ENTREP2: variants seen among roughly 807,000 people sequenced by gnomAD.
ENTREP2 encodes the protein protein ENTREP2.
At chr15:29,589,890 G>A in the ENTREP2 span, among the ~76,000 whole-genome samples, 1 of 152,120 alleles carries the variant, frequency 6.6e-6, no homozygotes, top group Non-Finnish European at 1.5e-5. Flanking sequence ...ATTATACACG[G>A]GATTGTTGTG....
the ENTREP2 span, among the ~76,000 whole-genome samples, chr15:29,315,771 C>T: frequency 6.6e-6 from 1 of 151,948 alleles, no homozygotes; most frequent in Non-Finnish European, 1.5e-5. Flanking sequence ...ATAAAAAAGA[C>T]AAATGAAAGA....
the ENTREP2 span, among the ~76,000 whole-genome samples, chr15:29,302,108 T>C: frequency 1.3e-5 from 2 of 152,352 alleles, 1 homozygote; most frequent in Middle Eastern, 6.8e-3. Flanking sequence ...TTTTGATGTT[T>C]GCTCAGTTTG....
At chr15:29,444,183 A>AC in the ENTREP2 span, among the ~76,000 whole-genome samples, 14,140 of 70,434 alleles carry the variant, frequency 0.2, 1,749 homozygotes, top group South Asian at 0.23. Flanking sequence ...AGAAAGAAAG[A>AC]AAGAAAGAAA....
chr15:29,272,684 T>A, the ENTREP2 span, among the ~76,000 whole-genome samples: 5 of 152,110 alleles, frequency 3.3e-5, no homozygotes, highest in African/African-American at 1.2e-4. Flanking sequence ...CAAATATACA[T>A]ATTTAATAAG....
chr15:29,511,579 G>A, the ENTREP2 span, among the ~76,000 whole-genome samples: 1 of 151,186 alleles, frequency 6.6e-6, no homozygotes, highest in Non-Finnish European at 1.5e-5. Flanking sequence ...TGCCTGCCTT[G>A]GCCTCCCAAA....
chr15:29,438,099 G>A, the ENTREP2 span, among the ~76,000 whole-genome samples: 4 of 151,930 alleles, frequency 2.6e-5, no homozygotes, highest in East Asian at 1.9e-4. Context: ...TCCTGCCTCC[G>A]GCCCTGGGCA....
the ENTREP2 span, among the ~76,000 whole-genome samples, chr15:29,595,893 T>A: frequency 0.48 from 72,849 of 151,834 alleles, 17,917 homozygotes; most frequent in Non-Finnish European, 0.54. Flanking sequence ...ACATAACCCT[T>A]TCTTTATGGG....
chr15:29,174,003 G>GA, the ENTREP2 span, among the ~76,000 whole-genome samples: 1,121 of 149,362 alleles, frequency 7.5e-3, 13 homozygotes, highest in African/African-American at 0.027. Context: ...GGGGAATATT[G>GA]AAGAGTCGGG....
the ENTREP2 span, among the ~76,000 whole-genome samples, chr15:29,298,377 A>C: frequency 1.3e-5 from 2 of 152,156 alleles, no homozygotes; most frequent in African/African-American, 4.8e-5. Context: ...AAAAGGAATA[A>C]TAAAGACAGA....
chr15:29,208,503 G>A, the ENTREP2 span, among the ~76,000 whole-genome samples: 1 of 152,166 alleles, frequency 6.6e-6, no homozygotes, highest in Admixed American at 6.5e-5. Flanking sequence ...CTGTGCTTCT[G>A]CAGGAAGCGA....
chr15:29,563,984 G>A, the ENTREP2 span, among the ~76,000 whole-genome samples: 1,513 of 152,036 alleles, frequency 1.0e-2, 21 homozygotes, highest in African/African-American at 0.035. Flanking sequence ...GTACCATTAT[G>A]TTCATTTTCA....
At chr15:29,527,766 T>A in the ENTREP2 span, among the ~76,000 whole-genome samples, 1 of 152,128 alleles carries the variant, frequency 6.6e-6, no homozygotes, top group Non-Finnish European at 1.5e-5. Context: ...AGGATCTGTA[T>A]GTAATCTCAA....
chr15:29,381,596 A>C, the ENTREP2 span, among the ~76,000 whole-genome samples: 1 of 152,064 alleles, frequency 6.6e-6, no homozygotes, highest in Non-Finnish European at 1.5e-5. Flanking sequence ...AGCACCTCCC[A>C]TGAGAAACAC....
At chr15:29,172,667 G>C in the ENTREP2 span, among the ~76,000 whole-genome samples, 836 of 152,236 alleles carry the variant, frequency 5.5e-3, 6 homozygotes, top group African/African-American at 0.019. Context: ...TCTTGTTAAA[G>C]GGAAATGCCA....
At chr15:29,295,293 G>T in the ENTREP2 span, among the ~76,000 whole-genome samples, 1 of 152,206 alleles carries the variant, frequency 6.6e-6, no homozygotes, top group Admixed American at 6.5e-5. Context: ...AAGAGGAGTG[G>T]CATGGCCTCA....
the ENTREP2 span, among the ~76,000 whole-genome samples, chr15:29,197,167 A>G: frequency 6.6e-6 from 1 of 152,276 alleles, no homozygotes; most frequent in South Asian, 2.1e-4. Context: ...ATGGAAAACC[A>G]TGGAAGAAAA....
At chr15:29,383,859 T>C in the ENTREP2 span, among the ~76,000 whole-genome samples, 1 of 152,222 alleles carries the variant, frequency 6.6e-6, no homozygotes, top group African/African-American at 2.4e-5. Flanking sequence ...GTATTTTTTC[T>C]GCAACGCTCA....
the ENTREP2 span, among the ~76,000 whole-genome samples, chr15:29,272,037 G>A: frequency 9.2e-5 from 14 of 152,268 alleles, no homozygotes; most frequent in East Asian, 2.7e-3. Flanking sequence ...GTGAAAATCA[G>A]CAGTGTCCTC....
chr15:29,331,694 G>C, the ENTREP2 span, among the ~76,000 whole-genome samples: 72 of 152,282 alleles, frequency 4.7e-4, no homozygotes, highest in South Asian at 9.8e-3. Flanking sequence ...CAAGCTGAGC[G>C]GCTGGGAAGA....
Sources: allele counts gnomAD v4.1 joint callset (sites outside exome capture counted in the v4.1 genomes callset), GRCh38; gene constraint gnomAD v4.1.1; transcripts MANE v1.5; gene names NCBI Gene and HGNC (gene_info 2026-07-23, HGNC 2026-07-21).